Variants in IQCK observed in about 807,000 individuals in gnomAD.
IQCK encodes IQ domain-containing protein K.
IQCK carries 29 observed loss-of-function variants against 28.1 expected under a neutral mutation model. That is an observed-to-expected ratio of 1.03 (90% CI 0.77 to 1.41). IQCK has a LOEUF of 1.41. Ranked by LOEUF, IQCK falls within the 40% of genes most tolerant of loss-of-function variation. The pLI is 0.00. For synonymous variants in IQCK, 113 were observed against 115.1 expected (o/e 0.98, Z 0.12); for missense variants, 359 against 314.7 (o/e 1.14, Z -1.07).
At chr16:19,737,424 T>A (rs1393006228) in intron 4 of IQCK, among the ~76,000 whole-genome samples, 2 of 152,170 alleles carry the variant, frequency 1.3e-5, no homozygotes, top group African/African-American at 2.4e-5. Context: ...CCCACTTGCC[T>A]CTTAATCACT....
At chr16:19,827,998 C>T (rs760938502), downstream of IQCK, among the ~76,000 whole-genome samples, 10 of 151,920 alleles carry the variant, frequency 6.6e-5, no homozygotes, top group African/African-American at 1.7e-4. Flanking sequence ...CTGCAACCTC[C>T]GCCTTCTGGG....
At chr16:19,798,916 TA>T (rs538131422) in intron 7 of IQCK, among the ~76,000 whole-genome samples, 13 of 21,650 alleles carry the variant, frequency 6.0e-4, no homozygotes, top group Admixed American at 4.9e-4. Flanking sequence ...CCCGGCTAAT[TA>T]AAAAAAAAAA....
intron 1 of IQCK, among the ~76,000 whole-genome samples, chr16:19,728,105 C>T (rs1450020990): frequency 2.2e-5 from 3 of 136,642 alleles, no homozygotes; most frequent in Non-Finnish European, 4.4e-5. Flanking sequence ...AGAAGAGATT[C>T]TCCTGCTGCC....
downstream of IQCK, among the ~76,000 whole-genome samples, chr16:19,829,917 T>C (rs763810671): frequency 2.6e-5 from 4 of 152,212 alleles, no homozygotes; most frequent in African/African-American, 4.8e-5. Flanking sequence ...ATAGGACACA[T>C]TGACATCATG....
intron 4 of IQCK, among the ~76,000 whole-genome samples, chr16:19,756,753 C>T (rs2055057834): frequency 1.3e-5 from 2 of 151,992 alleles, no homozygotes; most frequent in African/African-American, 4.8e-5. Context: ...AAAAATTAGC[C>T]GGGCGTGGTG....
At chr16:19,776,443 G>A (rs1027170232) in intron 6 of IQCK, among the ~76,000 whole-genome samples, 1 of 152,120 alleles carries the variant, frequency 6.6e-6, no homozygotes, top group Non-Finnish European at 1.5e-5. Context: ...CGGTGGCCAC[G>A]CCTAGAATCC....
chr16:19,766,876 C>G (rs2055245489), intron 6 of IQCK, among the ~76,000 whole-genome samples: 1 of 152,180 alleles, frequency 6.6e-6, no homozygotes, highest in Non-Finnish European at 1.5e-5. Context: ...TCGAGACTAG[C>G]CTGGCCAATG....
intron 4 of IQCK, among the ~76,000 whole-genome samples, chr16:19,747,928 G>A (rs925845653): frequency 3.3e-5 from 5 of 152,208 alleles, no homozygotes; most frequent in Admixed American, 6.5e-5. Context: ...GCAACTTACC[G>A]TATACACTGC....
intron 7 of IQCK, among the ~76,000 whole-genome samples, chr16:19,822,108 GC>G (rs1342924588): frequency 6.7e-6 from 1 of 149,590 alleles, no homozygotes; most frequent in Non-Finnish European, 1.5e-5. Context: ...AAAAAAAACG[GC>G]CAAGTGAGGT....
chr16:19,770,318 G>A (rs956924971), intron 6 of IQCK, among the ~76,000 whole-genome samples: 3 of 152,104 alleles, frequency 2.0e-5, no homozygotes, highest in Non-Finnish European at 4.4e-5. Context: ...AAATAGGGGT[G>A]TGTTTATTTT....
At chr16:19,808,292 C>T (rs1034037355) in intron 7 of IQCK, among the ~76,000 whole-genome samples, 1 of 152,128 alleles carries the variant, frequency 6.6e-6, no homozygotes, top group Non-Finnish European at 1.5e-5. Flanking sequence ...TTAATATGCC[C>T]AGAAAATGTC....
At chr16:19,822,054 T>C (rs1369853798) in intron 7 of IQCK, among the ~76,000 whole-genome samples, 10 of 113,604 alleles carry the variant, frequency 8.8e-5, no homozygotes, top group Middle Eastern at 8.3e-3. Context: ...GGCGACAGAA[T>C]GAGACCCTGT....
At chr16:19,832,822 C>T (rs188823969) in intron 9 of IQCK, among the ~76,000 whole-genome samples, 150 of 152,094 alleles carry the variant, frequency 9.9e-4, no homozygotes, top group African/African-American at 3.3e-3. Flanking sequence ...TCTTATATGG[C>T]GGCAGGAGAG....
At chr16:19,807,196 G>A (rs1032744372) in intron 7 of IQCK, among the ~76,000 whole-genome samples, 1 of 152,180 alleles carries the variant, frequency 6.6e-6, no homozygotes. Flanking sequence ...ATGGGAGGGA[G>A]CCATTGTGGA....
At chr16:19,818,506 C>T (rs1490834265) in intron 7 of IQCK, among the ~76,000 whole-genome samples, 1 of 152,204 alleles carries the variant, frequency 6.6e-6, no homozygotes, top group Non-Finnish European at 1.5e-5. Context: ...GATCCTCCTT[C>T]CTCAGCCTCT....
At chr16:19,755,584 T>C (rs1263129609) in intron 4 of IQCK, among the ~76,000 whole-genome samples, 1 of 152,190 alleles carries the variant, frequency 6.6e-6, no homozygotes, top group Non-Finnish European at 1.5e-5. Flanking sequence ...GCCAAGGAGC[T>C]GAGCTCCACA....
chr16:19,808,740 G>A (rs1228996250), intron 7 of IQCK, among the ~76,000 whole-genome samples: 1 of 152,248 alleles, frequency 6.6e-6, no homozygotes, highest in Non-Finnish European at 1.5e-5. Flanking sequence ...ATAAGTGTGA[G>A]GCCCTTGTAA....
intron 3 of IQCK, 122 bp from the exon 4 acceptor site, chr16:19,735,231 A>T (rs980743671): frequency 1.5e-6 from 1 of 687,248 alleles, no homozygotes; most frequent in Non-Finnish European, 2.6e-6. Flanking sequence ...AGCAAAATAT[A>T]ACATCTAAGA....
At chr16:19,805,702 T>A (rs1305678519) in intron 7 of IQCK, among the ~76,000 whole-genome samples, 1 of 152,224 alleles carries the variant, frequency 6.6e-6, no homozygotes, top group Admixed American at 6.5e-5. Flanking sequence ...GGGTTCTTCC[T>A]GTGTGCTGTA....
Sources: allele counts gnomAD v4.1 joint callset (sites outside exome capture counted in the v4.1 genomes callset), GRCh38; gene constraint gnomAD v4.1.1; transcripts MANE v1.5; gene names NCBI Gene and HGNC (gene_info 2026-07-23, HGNC 2026-07-21).